The following SLC6A4 variants were observed in gnomAD, a reference collection of about 807,000 sequenced individuals.
SLC6A4 encodes solute carrier family 6 member 4.
SLC6A4 carries 22 observed loss-of-function variants against 73.4 expected under a neutral mutation model. The ratio of observed to expected loss-of-function variants is 0.30; its 90% CI spans 0.21 to 0.43. SLC6A4 has a LOEUF of 0.43. Ranked by LOEUF, SLC6A4 falls within the 20% of genes least tolerant of loss-of-function variation. The probability of loss-of-function intolerance (pLI) is 1.00; values close to 1 mark genes in which losing one functional copy is unlikely to be tolerated. For missense variants in SLC6A4, 593 were observed against 808.5 expected, an observed-to-expected ratio of 0.73 and a Z score of 3.23; for synonymous variants, 270 against 315.5, an observed-to-expected ratio of 0.86 and a Z score of 1.53.
At chr17:30,212,373 T>C (rs1906414357) in intron 9 of SLC6A4, among the ~76,000 whole-genome samples, 2 of 152,208 alleles carry the variant, frequency 1.3e-5, no homozygotes, top group Admixed American at 6.5e-5. Flanking sequence ...GGCATCGAGC[T>C]TCTCTCAAAT....
rs576115085 is a variant in SLC6A4, at chr17:30,212,729, C to T, written c.1204+11G>A. 7 of 1,613,628 alleles carry T rather than the reference C, an allele frequency of 4.3e-6. No individual in the cohort carries two copies. The highest frequency in any genetic ancestry group is 1.3e-5 in the African/African-American group (1 of 74,914). On this transcript the variant is annotated intron_variant, in intron 9 of 14. Transcript: ENST00000650711. ...AGGAGCAAGGGACCTGCATAGAACC[C>T]GAGGTCCTACCTGCGTCTTTGGCCA... is the stretch of plus-strand genomic sequence containing the variant.
chr17:30,230,988 G>T (rs1232364770), intron 1 of SLC6A4, among the ~76,000 whole-genome samples: 2 of 152,132 alleles, frequency 1.3e-5, no homozygotes, highest in African/African-American at 4.8e-5. Flanking sequence ...TCTCAGATAT[G>T]CACTGAGATG....
intron 14 of SLC6A4, among the ~76,000 whole-genome samples, chr17:30,201,544 C>T (rs1407451116): frequency 6.6e-6 from 1 of 152,200 alleles, no homozygotes; most frequent in African/African-American, 2.4e-5. Flanking sequence ...CAGTTCCCAC[C>T]TCCAACCTTG....
chr17:30,232,331 C>G (rs553256009), intron 1 of SLC6A4, among the ~76,000 whole-genome samples: 37 of 152,276 alleles, frequency 2.4e-4, no homozygotes, highest in African/African-American at 8.2e-4. Flanking sequence ...CATCATAACC[C>G]CTCCTGTCAC....
intron 8 of SLC6A4, among the ~76,000 whole-genome samples, chr17:30,213,875 G>C (rs571702363): frequency 6.6e-6 from 1 of 151,896 alleles, no homozygotes; most frequent in Admixed American, 6.6e-5. Flanking sequence ...GCCTCCTGAA[G>C]AGCTGGGACC....
rs1905897675 is a variant in SLC6A4, at chr17:30,197,406, A to T, written c.*1050T>A. ...TAACCCAGTGCTAAACGAGAATCCG[A>T]TTTACCCTCCTCTCTTCACCGAGCA... On this transcript the variant is annotated 3_prime_UTR_variant, in exon 15 of 15. Transcript: ENST00000650711. 6.6e-6 allele frequency: 1 copy of T among 152,344 alleles called. No homozygotes were observed. Among genetic ancestry groups the T allele is most frequent in the Admixed American group, 6.5e-5 (1 of 15,272 alleles). 9.4% of individuals were successfully genotyped at this position (152,344 alleles called of 1,614,324 possible). A position where few individuals can be genotyped will look rare whatever the true frequency, so the allele number is the denominator to read the frequency against.
intron 9 of SLC6A4, among the ~76,000 whole-genome samples, 191 bp downstream of exon 9, chr17:30,212,549 G>A (rs1906420566): frequency 6.6e-6 from 1 of 152,030 alleles, no homozygotes; most frequent in Admixed American, 6.6e-5. Flanking sequence ...ACCATGCCCA[G>A]CTCATTTATT....
rs1458183826 is a variant in SLC6A4 at position 30,203,257 on chromosome 17, C to T, written c.1733G>A (p.Gly578Asp). The T allele has an allele frequency of 1.2e-6, 2 of 1,613,602 alleles. No individual in the cohort carries two copies. The highest frequency in any genetic ancestry group is 1.7e-6 in the Non-Finnish European group (2 of 1,179,662). The change falls in exon 14 of 15, where the codon GGT (glycine) becomes GAT (aspartate). Residue 578 changes from glycine (G) to aspartate (D), a missense_variant. By Grantham distance (94) the Gly-to-Asp change is moderately conservative. Transcript: ENST00000650711. ...GAAAGATGAGGTTCCTATGCAGTAACCCAAGATGATACTCCAGTAAGGATA... is the reference window on the plus strand; with the variant it reads ...GAAAGATGAGGTTCCTATGCAGTAATCCAAGATGATACTCCAGTAAGGATA... ...YNYPYWSIIL[G>D]YCIGTSSFIC... is the part of the protein sequence containing the mutation.
At chr17:30,234,388 G>T (rs1009599060) in intron 1 of SLC6A4, among the ~76,000 whole-genome samples, 1 of 152,150 alleles carries the variant, frequency 6.6e-6, no homozygotes, top group African/African-American at 2.4e-5. Flanking sequence ...CATGCCCCAA[G>T]TGGCTTGCTC....
chr17:30,210,773 G>A (rs918337135), intron 10 of SLC6A4, 127 bp from the exon 11 acceptor site: 15 of 980,686 alleles, frequency 1.5e-5, no homozygotes, highest in African/African-American at 9.9e-5. Flanking sequence ...CCAGTTCCCC[G>A]GCTCGCTGGA....
Position 30,208,858 on chromosome 17 carries a change from AT to A in SLC6A4, c.1549+284del, listed in dbSNP as rs35246799. On this transcript the variant is annotated intron_variant, in intron 12 of 14. Transcript: ENST00000650711. Reference sequence around the variant, plus strand: ...AGGCTTGCGCCATCATGCCCGGCTAATTTTTTTTTTTTTTTGTATTTTTAGT... The same window carrying A: ...AGGCTTGCGCCATCATGCCCGGCTAATTTTTTTTTTTTTTGTATTTTTAGT... Among the ~76,000 whole-genome samples, 920 of 143,912 alleles carry A rather than the reference AT, an allele frequency of 6.4e-3. 3 individuals are homozygous for A. Among genetic ancestry groups the A allele is most frequent in the African/African-American group, 0.018 (704 of 39,054 alleles). 94.4% of individuals were successfully genotyped at this position (143,912 alleles called of 152,430 possible).
chr17:30,221,470 A>T lies in SLC6A4; in HGVS notation c.343+146T>A, dbSNP rs1383582256. ...CGGGTCACAGCCCACCCCAGGTCAC[A>T]GCCCACCCGGGTCACAGCCCATCCC... On this transcript the variant is annotated intron_variant, in intron 3 of 14. Transcript: ENST00000650711. The T allele has an allele frequency of 2.5e-4, 147 of 594,946 alleles. 1 individual carries two copies. Among genetic ancestry groups the T allele is most frequent in the Admixed American group, 4.5e-4 (15 of 33,544 alleles). The allele number at this position is 594,946 out of a possible 1,614,324, so 36.9% of individuals were successfully genotyped here.
In SLC6A4 at chr17:30,235,269, A is replaced by G. The variant is rs1597649272; in HGVS notation, c.-221+344T>C. The stretch of plus-strand genomic sequence containing the variant: ...AACGAAAGCAAGCAACTCTTCCCAA[A>G]GCGCAGGACAGCACTTTGCTCAAGA... On this transcript the variant is annotated intron_variant, in intron 1 of 14. Coordinates refer to ENST00000650711, the MANE Select transcript of SLC6A4 (RefSeq NM_001045.6). This position sits in a 1 kb window ranked among gnomAD's most constrained non-coding sequence, Gnocchi z 4.5. Among the ~76,000 whole-genome samples, 1 of 152,210 alleles carries G rather than the reference A, an allele frequency of 6.6e-6. No individual in the cohort carries two copies. Among genetic ancestry groups the G allele is most frequent in the East Asian group, 1.9e-4 (1 of 5,198 alleles).
At position 30,221,752 on chromosome 17, in the gene SLC6A4, G is replaced by C. The variant is rs201997245; in HGVS notation, c.207C>G (p.Thr69=). The change falls in exon 3 of 15, where the codon ACC becomes ACG. Residue 69 remains threonine, a synonymous_variant. Coordinates refer to ENST00000650711, the MANE Select transcript of SLC6A4 (RefSeq NM_001045.6). ...TRHSIPATTT[T]LVAELHQGER... is the part of the protein sequence containing the mutation. ...CCCCTTGATGAAGCTCAGCCACTAG[G>C]GTGGTGGTGGTCGCTGGGATAGAGT... 1.3e-4 allele frequency: 213 copies of C among 1,614,124 alleles called. No homozygotes were observed. The highest frequency in any genetic ancestry group is 7.6e-6 in the Non-Finnish European group (9 of 1,179,972).
rs1431081018 is a variant in SLC6A4, at chr17:30,198,171, T to C, written c.*285A>G. The C allele has an allele frequency of 5.6e-6, 2 of 354,092 alleles. No homozygotes were observed. Among genetic ancestry groups the C allele is most frequent in the African/African-American group, 4.2e-5 (2 of 47,628 alleles). 21.9% of individuals were successfully genotyped at this position (354,092 alleles called of 1,614,324 possible). ...ACTTGATTCTAAACCTAATCCTAAC[T>C]GATGATAGGGTGGTTTTCATCACCT... On this transcript the variant is annotated 3_prime_UTR_variant, in exon 15 of 15. Coordinates refer to ENST00000650711, the MANE Select transcript of SLC6A4 (RefSeq NM_001045.6).
chr17:30,226,851 C>T (rs1052589576), intron 1 of SLC6A4, among the ~76,000 whole-genome samples: 5 of 124,394 alleles, frequency 4.0e-5, no homozygotes, highest in African/African-American at 1.1e-4. Flanking sequence ...CCAGCCTGGG[C>T]GATAGAGTGA....
At chr17:30,219,419 T>A (rs1906679514) in intron 3 of SLC6A4, among the ~76,000 whole-genome samples, 1 of 152,174 alleles carries the variant, frequency 6.6e-6, no homozygotes. Flanking sequence ...CCTAGGTGAT[T>A]CCGATGCAGC....
chr17:30,207,376 T>C (rs968626729), intron 13 of SLC6A4, among the ~76,000 whole-genome samples: 1 of 152,192 alleles, frequency 6.6e-6, no homozygotes, highest in Non-Finnish European at 1.5e-5. Context: ...TCTGTATATG[T>C]TATTCTTCAA....
rs138069918 is a variant in SLC6A4 at position 30,221,917 on chromosome 17, C to G, written c.42G>C (p.Ala14=). ...CCTGACAATCTTCTCCATCTTCACA[C>G]GCTGATAGCTGCTTCTGAGAATTCA... ...TPLNSQKQLS[A]CEDGEDCQEN... The change falls in exon 3 of 15, where the codon GCG becomes GCC. Residue 14 remains alanine, a synonymous_variant. Transcript: ENST00000650711. 6 of 1,614,184 alleles carry G rather than the reference C, an allele frequency of 3.7e-6. No homozygotes were observed. The highest frequency in any genetic ancestry group is 5.1e-6 in the Non-Finnish European group (6 of 1,180,042).
Sources: gnomAD v4.1 joint callset for allele counts (sites outside exome capture counted in the v4.1 genomes callset) on GRCh38, gnomAD v4.1.1 for gene constraint, Gnocchi (gnomAD v3.1) non-coding constraint, MANE v1.5 for transcripts, NCBI Gene and HGNC (gene_info 2026-07-23, HGNC 2026-07-21) for gene names.